Variants in C12orf42 observed in about 807,000 individuals in gnomAD.
C12orf42 encodes uncharacterized protein C12orf42.
Under a neutral mutation model 21.6 loss-of-function variants are expected in C12orf42, and 25 were observed. The ratio of observed to expected loss-of-function variants is 1.16; its 90% CI spans 0.84 to 1.62. The LOEUF (loss-of-function observed/expected upper bound fraction) is 1.62, where lower values mean the gene tolerates loss of function less well. Ranked by LOEUF, C12orf42 falls within the 40% of genes most tolerant of loss-of-function variation. C12orf42 has a pLI of 0.00. For missense variants in C12orf42, 483 were observed against 459.3 expected (o/e 1.05, Z -0.47); for synonymous variants, 174 against 175.0 (o/e 0.99, Z 0.05).
chr12:103,150,132 A>C, the C12orf42 span, among the ~76,000 whole-genome samples: 1 of 152,220 alleles, frequency 6.6e-6, no homozygotes, highest in Admixed American at 6.5e-5. Context: ...CCTAAAATTT[A>C]AGATTATGCC....
the C12orf42 span, among the ~76,000 whole-genome samples, chr12:103,141,695 A>G: frequency 6.6e-6 from 1 of 151,916 alleles, no homozygotes; most frequent in Non-Finnish European, 1.5e-5. Context: ...ACACCCAGCT[A>G]ATTTTTGTAT....
chr12:103,538,718 G>T, the C12orf42 span, among the ~76,000 whole-genome samples: 27 of 152,134 alleles, frequency 1.8e-4, no homozygotes, highest in Admixed American at 5.9e-4. Context: ...TGGCTTTTCT[G>T]GCCTTTGCCC....
At chr12:103,400,855 C>T (rs1217663044) in intron 3 of C12orf42, among the ~76,000 whole-genome samples, 5 of 152,138 alleles carry the variant, frequency 3.3e-5, no homozygotes, top group East Asian at 1.9e-4. Flanking sequence ...CTCAGTATTG[C>T]TGGGCTGTGT....
chr12:103,224,823 G>C, the C12orf42 span, among the ~76,000 whole-genome samples: 2 of 152,290 alleles, frequency 1.3e-5, no homozygotes, highest in African/African-American at 2.4e-5. Context: ...GCACAGAAAG[G>C]CTACAGGGTG....
the C12orf42 span, among the ~76,000 whole-genome samples, chr12:103,179,967 A>T: frequency 2.6e-5 from 4 of 152,100 alleles, no homozygotes; most frequent in African/African-American, 9.7e-5. Context: ...AGGAAGAATG[A>T]TCTGAAGGTG....
chr12:103,362,320 T>A (rs979531041), intron 4 of C12orf42, among the ~76,000 whole-genome samples: 5 of 152,020 alleles, frequency 3.3e-5, no homozygotes, highest in Non-Finnish European at 5.9e-5. Flanking sequence ...GAGTACTACA[T>A]CAAGGGAACA....
chr12:103,213,316 T>C, the C12orf42 span, among the ~76,000 whole-genome samples: 1 of 152,170 alleles, frequency 6.6e-6, no homozygotes, highest in Non-Finnish European at 1.5e-5. Context: ...AGGATCAGGA[T>C]TGGAACTTAT....
chr12:103,221,406 G>C, the C12orf42 span, among the ~76,000 whole-genome samples: 2 of 152,186 alleles, frequency 1.3e-5, no homozygotes, highest in Non-Finnish European at 2.9e-5. Context: ...TGGGTGCTGA[G>C]TACTGTGCCA....
At chr12:103,167,890 GTGTGTGTGTGTGTGTGTGTGTGTT>G in the C12orf42 span, 1 of 298,734 alleles carries the variant, frequency 3.3e-6, no homozygotes, top group Non-Finnish European at 6.4e-6. Context: ...GTGTGTGTGT[GTGTGTGTGTGTGTGTGTGTGTGTT>G]TGTGTCTGTG....
chr12:103,521,300 G>A, the C12orf42 span, among the ~76,000 whole-genome samples: 1 of 152,090 alleles, frequency 6.6e-6, no homozygotes, highest in Admixed American at 6.6e-5. Flanking sequence ...AATCCAAATG[G>A]CCATGAATGA....
chr12:103,398,064 AT>A (rs1400671614), intron 3 of C12orf42, among the ~76,000 whole-genome samples: 1 of 152,174 alleles, frequency 6.6e-6, no homozygotes, highest in African/African-American at 2.4e-5. Context: ...GTATCAAAAA[AT>A]AAAATAAAAG....
chr12:103,553,425 C>T, the C12orf42 span, among the ~76,000 whole-genome samples: 3 of 152,150 alleles, frequency 2.0e-5, no homozygotes, highest in African/African-American at 7.2e-5. Context: ...GAAACAGCTT[C>T]TCTGAGCAAC....
At chr12:103,459,868 A>G (rs1345448527) in intron 2 of C12orf42, among the ~76,000 whole-genome samples, 1 of 152,158 alleles carries the variant, frequency 6.6e-6, no homozygotes, top group Non-Finnish European at 1.5e-5. Context: ...AGCTTTACTC[A>G]TGGCTGAGCT....
chr12:103,126,271 A>G, the C12orf42 span, among the ~76,000 whole-genome samples: 8 of 152,220 alleles, frequency 5.3e-5, no homozygotes, highest in Admixed American at 3.9e-4. Context: ...AGCAGAAAAC[A>G]AATGATGCCA....
intron 10 of C12orf42, among the ~76,000 whole-genome samples, chr12:103,248,493 G>A (rs182126788): frequency 1.8e-4 from 27 of 152,086 alleles, no homozygotes; most frequent in African/African-American, 6.0e-4. Context: ...TGAAGAAAAC[G>A]TTTTTAATTC....
At chr12:103,499,073 T>C (rs896946595), upstream of C12orf42, among the ~76,000 whole-genome samples, 1 of 151,426 alleles carries the variant, frequency 6.6e-6, no homozygotes, top group African/African-American at 2.4e-5. Context: ...GAGAGTAGAA[T>C]GGTAGTTGAT....
intron 2 of C12orf42, among the ~76,000 whole-genome samples, chr12:103,404,151 T>C (rs1230471760): frequency 6.6e-6 from 1 of 152,184 alleles, no homozygotes; most frequent in Non-Finnish European, 1.5e-5. Context: ...TATTGAGACA[T>C]AATTTATGTA....
chr12:103,068,985 ATATAT>A, the C12orf42 span, among the ~76,000 whole-genome samples: 1 of 98,928 alleles, frequency 1.0e-5, no homozygotes, highest in African/African-American at 3.9e-5. Context: ...ATATATATAT[ATATAT>A]AATCCTATTA....
intron 4 of C12orf42, among the ~76,000 whole-genome samples, chr12:103,288,666 G>A (rs778450530): frequency 6.6e-6 from 1 of 152,064 alleles, no homozygotes; most frequent in Non-Finnish European, 1.5e-5. Flanking sequence ...TGTTAGACGT[G>A]TAAAAGATTT....
Sources: allele counts gnomAD v4.1 joint callset (sites outside exome capture counted in the v4.1 genomes callset), GRCh38; gene constraint gnomAD v4.1.1; transcripts MANE v1.5; gene names NCBI Gene and HGNC (gene_info 2026-07-23, HGNC 2026-07-21).